UCK2: variants seen among roughly 807,000 people sequenced by gnomAD.
UCK2 encodes the protein cytidine monophosphokinase 2.
A neutral mutation model predicts 30.8 loss-of-function variants in UCK2; 6 were observed. The observed-to-expected ratio is 0.19, with a 90% CI of 0.11 to 0.38. The LOEUF is 0.38. Ranked by LOEUF, UCK2 falls within the 10% of genes least tolerant of loss-of-function variation. The pLI, the probability that UCK2 is intolerant of heterozygous loss-of-function variation, is 1.00. For synonymous variants in UCK2, 125 were observed against 133.6 expected (o/e 0.94, Z 0.45); for missense variants, 210 against 339.8 (o/e 0.62, Z 3.00).
intron 1 of UCK2, among the ~76,000 whole-genome samples, chr1:165,867,420 T>C (rs1425219400): frequency 2.0e-5 from 3 of 152,166 alleles, no homozygotes; most frequent in African/African-American, 7.2e-5. Context: ...TCTTTCAAAG[T>C]GGGAGTCAAT....
At chr1:165,903,430 C>T (rs1297853078) in intron 5 of UCK2, 151 bp downstream of exon 5, 1 of 657,778 alleles carries the variant, frequency 1.5e-6, no homozygotes, top group Non-Finnish European at 2.6e-6. Context: ...GAGAGGGCAG[C>T]CCTTGGTCCT....
At chr1:165,839,349 G>C (rs1201083496) in intron 1 of UCK2, among the ~76,000 whole-genome samples, 2 of 152,196 alleles carry the variant, frequency 1.3e-5, no homozygotes, top group Non-Finnish European at 2.9e-5. Context: ...AGCCCTCCTT[G>C]TCTGACTACA....
chr1:165,832,033 C>T (rs1210828139), intron 1 of UCK2, among the ~76,000 whole-genome samples: 3 of 152,120 alleles, frequency 2.0e-5, no homozygotes, highest in Non-Finnish European at 4.4e-5. Context: ...CCTCCCGAAG[C>T]GTTGGGATTA....
intron 1 of UCK2, among the ~76,000 whole-genome samples, chr1:165,887,119 A>T (rs1294608886): frequency 1.3e-5 from 2 of 152,208 alleles, no homozygotes; most frequent in Non-Finnish European, 1.5e-5. Context: ...GTAGGAGAGC[A>T]CATGTGGCTT....
At chr1:165,828,812 C>T (rs142798989) in intron 1 of UCK2, among the ~76,000 whole-genome samples, 75 of 152,222 alleles carry the variant, frequency 4.9e-4, no homozygotes, top group Non-Finnish European at 9.1e-4. Context: ...GGAGTCCTCC[C>T]AGATGGTTCT....
At chr1:165,894,657 ATCCTAG>A (rs368385041) in intron 3 of UCK2, 15 of 151,896 alleles carry the variant, frequency 9.9e-5, no homozygotes, top group African/African-American at 3.1e-4. Flanking sequence ...GCATTTCCTA[ATCCTAG>A]TCCTTTTTTC....
intron 1 of UCK2, among the ~76,000 whole-genome samples, chr1:165,880,822 G>A (rs889252617): frequency 6.6e-6 from 1 of 152,020 alleles, no homozygotes; most frequent in African/African-American, 2.4e-5. Flanking sequence ...CTCTGGGTGA[G>A]CCTAGAACTT....
chr1:165,876,580 G>A (rs970986823), intron 1 of UCK2, among the ~76,000 whole-genome samples: 1 of 152,148 alleles, frequency 6.6e-6, no homozygotes, highest in African/African-American at 2.4e-5. Context: ...ATAAATAAAA[G>A]TTGAAGAAAG....
At chr1:165,863,780 T>C (rs1654978467) in intron 1 of UCK2, among the ~76,000 whole-genome samples, 1 of 152,230 alleles carries the variant, frequency 6.6e-6, no homozygotes, top group Non-Finnish European at 1.5e-5. Context: ...AGTAGACTCA[T>C]GGAGGTCATC....
chr1:165,836,507 G>C (rs1571263147), intron 1 of UCK2, among the ~76,000 whole-genome samples: 1 of 152,236 alleles, frequency 6.6e-6, no homozygotes, highest in South Asian at 2.1e-4. Flanking sequence ...AAATACAGTG[G>C]ATTTTTTGAA....
Position 165,849,911 on chromosome 1 carries a change from C to T in UCK2, c.99+21979C>T, listed in dbSNP as rs78106960. ...ACAGGTTTTGCTGAGTAGCTACAGG[C>T]AAGTCATCTTCTCTGTAAATTAGGT... is the stretch of plus-strand genomic sequence containing the variant. On this transcript the variant is annotated intron_variant, in intron 1 of 6. Coordinates refer to ENST00000367879, the MANE Select transcript of UCK2 (RefSeq NM_012474.5). Among the ~76,000 whole-genome samples, 606 of 152,204 alleles carry T rather than the reference C, an allele frequency of 4.0e-3. 10 individuals carry two copies. The highest frequency in any genetic ancestry group is 0.014 in the African/African-American group (578 of 41,532).
At chr1:165,850,813 G>A (rs182854785) in intron 1 of UCK2, among the ~76,000 whole-genome samples, 2,747 of 151,194 alleles carry the variant, frequency 0.018, 62 homozygotes, top group African/African-American at 0.056. Context: ...TAGTAGAGAC[G>A]GGGTTTCACC....
At chr1:165,844,866 C>A (rs180844495) in intron 1 of UCK2, among the ~76,000 whole-genome samples, 108 of 152,302 alleles carry the variant, frequency 7.1e-4, no homozygotes, top group African/African-American at 2.6e-3. Context: ...TTGCACCCTT[C>A]CCACATGCCT....
intron 1 of UCK2, among the ~76,000 whole-genome samples, chr1:165,840,579 A>G (rs1311947996): frequency 2.0e-5 from 3 of 152,334 alleles, no homozygotes; most frequent in South Asian, 4.1e-4. Context: ...GAATGGAGGC[A>G]TTGATAGTGA....
intron 4 of UCK2, among the ~76,000 whole-genome samples, chr1:165,899,700 G>T (rs538419053): frequency 6.6e-6 from 1 of 152,320 alleles, no homozygotes; most frequent in East Asian, 1.9e-4. Context: ...GAGCAGTGAT[G>T]GAGGGGCTGG....
At chr1:165,860,067 A>G (rs1654857063) in intron 1 of UCK2, among the ~76,000 whole-genome samples, 1 of 152,216 alleles carries the variant, frequency 6.6e-6, no homozygotes, top group African/African-American at 2.4e-5. Flanking sequence ...ATATTTTGCT[A>G]TAGTCCAGAC....
At chr1:165,881,182 T>TAA (rs56886913) in intron 1 of UCK2, among the ~76,000 whole-genome samples, 2,702 of 92,740 alleles carry the variant, frequency 0.029, 95 homozygotes, top group African/African-American at 0.085. Flanking sequence ...CAATAAAACT[T>TAA]AAAAAAAAAA....
Position 165,907,753 on chromosome 1 carries a change from A to G in UCK2, c.716A>G (p.Asn239Ser). Residue 239 changes from asparagine (N) to serine (S), a missense_variant, in exon 7 of 7, where the codon AAT becomes AGT. This residue lies in a region of UCK2 where 38 missense variants were observed against 45.4 expected (regional missense o/e 0.84). Transcript: ENST00000367879. Reference protein sequence around the residue: ...LNGGPSKRQTNGCLNGYTPSR... With the variant: ...LNGGPSKRQTSGCLNGYTPSR... ...GGAGGGCCCTCCAAACGGCAGACCA[A>G]TGGCTGTCTCAACGGCTACACCCCT... 1.2e-6 allele frequency: 2 copies of G among 1,614,114 alleles called. No homozygotes were observed. Among genetic ancestry groups the G allele is most frequent in the South Asian group, 1.1e-5 (1 of 91,078 alleles).
Position 165,827,744 on chromosome 1 carries a change from G to C in UCK2, c.-90G>C, listed in dbSNP as rs1653922297. ...TCAGCCCCGGCAGCGCCCAGCGGCG[G>C]CTGCGGAAAGCGGAGGGAGTCCGAC... On this transcript the variant is annotated 5_prime_UTR_variant, in exon 1 of 7. Coordinates refer to ENST00000367879, the MANE Select transcript of UCK2 (RefSeq NM_012474.5). The C allele has an allele frequency of 7.7e-6, 9 of 1,170,276 alleles. No homozygotes were observed. In the South Asian group the frequency reaches 2.5e-4, roughly 33 times the overall value. The allele number at this position is 1,170,276 out of a possible 1,614,324, so 72.5% of individuals were successfully genotyped here.
Sources: allele counts gnomAD v4.1 joint callset (sites outside exome capture counted in the v4.1 genomes callset), GRCh38; gene constraint gnomAD v4.1.1; regional missense constraint gnomAD v4.1.1; transcripts MANE v1.5; gene names NCBI Gene and HGNC (gene_info 2026-07-23, HGNC 2026-07-21).